ENOPH1: variants seen among roughly 807,000 people sequenced by gnomAD.
The protein encoded by ENOPH1 is enolase-phosphatase 1.
ENOPH1 carries 14 observed loss-of-function variants against 31.1 expected under a neutral mutation model. The ratio of observed to expected loss-of-function variants is 0.45; its 90% CI spans 0.30 to 0.70. ENOPH1 has a LOEUF of 0.70. Among genes scored for constraint, ENOPH1 ranks in the 30% least tolerant of loss-of-function variants. ENOPH1 has a pLI of 0.09. For synonymous variants in ENOPH1, 127 were observed against 123.2 expected (o/e 1.03, Z -0.21); for missense variants, 243 against 321.5 (o/e 0.76, Z 1.87).
intron 1 of ENOPH1, among the ~76,000 whole-genome samples, chr4:82,438,142 A>G (rs1188773854): frequency 6.6e-6 from 1 of 152,228 alleles, no homozygotes; most frequent in African/African-American, 2.4e-5. Context: ...ACTAGAGGAA[A>G]GGTTTTTCTA....
At chr4:82,448,855 G>A (rs1722266780) in intron 2 of ENOPH1, among the ~76,000 whole-genome samples, 1 of 150,910 alleles carries the variant, frequency 6.6e-6, no homozygotes, top group South Asian at 2.1e-4. Flanking sequence ...TCAGGAGATC[G>A]AGACCATCTC....
At chr4:82,454,946 T>A in intron 4 of ENOPH1, 92 bp downstream of exon 4, 1 of 302,228 alleles carries the variant, frequency 3.3e-6, no homozygotes, top group Non-Finnish European at 4.9e-6. Context: ...AATAGAATGC[T>A]TTTTTTTTTT....
intron 2 of ENOPH1, among the ~76,000 whole-genome samples, chr4:82,449,189 G>A (rs140836889): frequency 0.035 from 5,250 of 152,162 alleles, 299 homozygotes; most frequent in African/African-American, 0.12. Context: ...GTAGTGAGCC[G>A]AGATGGCGCC....
At chr4:82,433,144 T>C (rs1721819850) in intron 1 of ENOPH1, among the ~76,000 whole-genome samples, 1 of 152,132 alleles carries the variant, frequency 6.6e-6, no homozygotes, top group Admixed American at 6.5e-5. Flanking sequence ...ACAGGAGAGG[T>C]AGTGATGTGG....
chr4:82,448,092 C>G (rs1722242213), intron 2 of ENOPH1, 71 bp downstream of exon 2: 7 of 1,076,576 alleles, frequency 6.5e-6, no homozygotes, highest in Admixed American at 2.3e-5. Context: ...AGGACATGCT[C>G]TGAGCATTTT....
intron 1 of ENOPH1, among the ~76,000 whole-genome samples, chr4:82,434,897 A>T (rs1199244119): frequency 6.6e-6 from 1 of 151,100 alleles, no homozygotes; most frequent in African/African-American, 2.4e-5. Context: ...ACAGAGCGAG[A>T]CTGTCTTTAA....
At chr4:82,432,165 T>A (rs1721788052) in intron 1 of ENOPH1, among the ~76,000 whole-genome samples, 1 of 152,178 alleles carries the variant, frequency 6.6e-6, no homozygotes, top group South Asian at 2.1e-4. Context: ...GTGCTGAGAT[T>A]ACAGGCATGA....
At chr4:82,459,125 A>G (rs1238922186) in intron 5 of ENOPH1, among the ~76,000 whole-genome samples, 1 of 152,120 alleles carries the variant, frequency 6.6e-6, no homozygotes, top group Non-Finnish European at 1.5e-5. Context: ...GTTTTGTTCT[A>G]TCTGTCCTAG....
At chr4:82,446,628 C>T (rs1454993499) in intron 1 of ENOPH1, among the ~76,000 whole-genome samples, 1 of 140,460 alleles carries the variant, frequency 7.1e-6, no homozygotes, top group Non-Finnish European at 1.5e-5. Context: ...GGATTACTGA[C>T]AGGTTATTTA....
intron 4 of ENOPH1, among the ~76,000 whole-genome samples, chr4:82,455,497 C>T (rs1371206672): frequency 6.6e-6 from 1 of 151,934 alleles, no homozygotes; most frequent in African/African-American, 2.4e-5. Context: ...TAAATATTTA[C>T]CGGCCGGGCG....
intron 3 of ENOPH1, among the ~76,000 whole-genome samples, chr4:82,452,095 T>A (rs1722366679): frequency 6.7e-6 from 1 of 150,270 alleles, no homozygotes; most frequent in African/African-American, 2.5e-5. Context: ...TTTTTTTTTT[T>A]AGAGCTGGGG....
At chr4:82,444,222 A>G (rs1722121387) in intron 1 of ENOPH1, among the ~76,000 whole-genome samples, 1 of 148,490 alleles carries the variant, frequency 6.7e-6, no homozygotes, top group African/African-American at 2.5e-5. Context: ...TCTCAGCACT[A>G]TTCTTTTTTT....
intron 1 of ENOPH1, among the ~76,000 whole-genome samples, chr4:82,435,186 C>T (rs1036108598): frequency 2.6e-5 from 4 of 152,170 alleles, no homozygotes; most frequent in Admixed American, 2.0e-4. Context: ...ACCGCAACCT[C>T]GACCTCTCAG....
intron 1 of ENOPH1, among the ~76,000 whole-genome samples, chr4:82,431,481 A>G (rs925613576): frequency 6.6e-6 from 1 of 152,196 alleles, no homozygotes; most frequent in African/African-American, 2.4e-5. Flanking sequence ...GCTGTGGTCC[A>G]TAGCGCTGAT....
At chr4:82,455,180 A>G (rs949322290) in intron 4 of ENOPH1, among the ~76,000 whole-genome samples, 2 of 152,218 alleles carry the variant, frequency 1.3e-5, no homozygotes, top group Non-Finnish European at 2.9e-5. Flanking sequence ...TTGAAGAAAT[A>G]TAGATTTCAT....
At chr4:82,444,325 A>G (rs1357593435) in intron 1 of ENOPH1, among the ~76,000 whole-genome samples, 1 of 151,100 alleles carries the variant, frequency 6.6e-6, no homozygotes, top group Non-Finnish European at 1.5e-5. Context: ...GGGTTCAAGC[A>G]TTTCTCTTGT....
intron 1 of ENOPH1, among the ~76,000 whole-genome samples, chr4:82,444,829 GC>G (rs1227757004): frequency 3.3e-5 from 5 of 152,098 alleles, no homozygotes; most frequent in Admixed American, 2.6e-4. Context: ...GAAAATATTC[GC>G]ACATTTATTT....
Position 82,444,563 on chromosome 4 carries a change from G to A in ENOPH1, c.85-3357G>A, listed in dbSNP as rs143836988. Among the ~76,000 whole-genome samples the A allele has an allele frequency of 6.5e-3, 991 of 152,232 alleles. 3 individuals carry two copies. Among genetic ancestry groups the A allele is most frequent in the Middle Eastern group, 0.017 (5 of 294 alleles). ...TTTTCATTAAAACAACCACGTGACCGTAAAGCATATCCATATTTGAACTTC... is the reference window on the plus strand; with the variant it reads ...TTTTCATTAAAACAACCACGTGACCATAAAGCATATCCATATTTGAACTTC... On this transcript the variant is annotated intron_variant, in intron 1 of 5. Coordinates refer to ENST00000273920, the MANE Select transcript of ENOPH1 (RefSeq NM_021204.5).
intron 5 of ENOPH1, among the ~76,000 whole-genome samples, chr4:82,459,141 G>A (rs1052656916): frequency 9.9e-5 from 15 of 151,984 alleles, no homozygotes; most frequent in Non-Finnish European, 1.6e-4. Context: ...CCTAGTAAGC[G>A]CCATCTCTCT....
Sources: gnomAD v4.1 joint callset for allele counts (sites outside exome capture counted in the v4.1 genomes callset) on GRCh38, gnomAD v4.1.1 for gene constraint, MANE v1.5 for transcripts, NCBI Gene and HGNC (gene_info 2026-07-23, HGNC 2026-07-21) for gene names.